The following HPSE2 variants were observed in gnomAD, a reference collection of about 807,000 sequenced individuals.
The protein encoded by HPSE2 is inactive heparanase-2.
In HPSE2, 38 loss-of-function variants were observed where a neutral mutation model predicts 60.5. The observed-to-expected ratio is 0.63, with a 90% CI of 0.48 to 0.82. The LOEUF is 0.82. HPSE2 is among the 40% of genes least tolerant of loss of function. The probability of loss-of-function intolerance (pLI) is 0.00; values close to 1 mark genes in which losing one functional copy is unlikely to be tolerated. For synonymous variants in HPSE2, 295 were observed against 293.2 expected, an observed-to-expected ratio of 1.01 and a Z score of -0.06; for missense variants, 713 against 740.4, an observed-to-expected ratio of 0.96 and a Z score of 0.43.
the HPSE2 span, among the ~76,000 whole-genome samples, chr10:99,282,176 G>A: frequency 4.6e-5 from 7 of 152,090 alleles, no homozygotes; most frequent in South Asian, 2.1e-4. Flanking sequence ...GGAGAATGGC[G>A]TGAACCTGGG....
chr10:98,872,516 T>C (rs1589984595), intron 3 of HPSE2, among the ~76,000 whole-genome samples: 1 of 152,150 alleles, frequency 6.6e-6, no homozygotes, highest in East Asian at 1.9e-4. Context: ...AAAAGCACCT[T>C]ACTTTTTAAT....
intron 9 of HPSE2, among the ~76,000 whole-genome samples, chr10:98,530,783 C>T (rs539938935): frequency 6.6e-6 from 1 of 152,258 alleles, no homozygotes; most frequent in South Asian, 2.1e-4. Context: ...GGATGCAGCC[C>T]CGCATTTTCA....
At chr10:99,179,707 C>CTA (rs2133825353) in intron 2 of HPSE2, among the ~76,000 whole-genome samples, 1 of 151,640 alleles carries the variant, frequency 6.6e-6, no homozygotes, top group African/African-American at 2.4e-5. Context: ...AGATTCATTG[C>CTA]TATCCCCATC....
chr10:99,032,161 C>T (rs1351529949), intron 3 of HPSE2, among the ~76,000 whole-genome samples: 1 of 152,084 alleles, frequency 6.6e-6, no homozygotes, highest in African/African-American at 2.4e-5. Context: ...TGGAGGACAT[C>T]AGTAAGAAGG....
chr10:98,915,100 T>A, intron 3 of HPSE2, among the ~76,000 whole-genome samples: 1 of 151,856 alleles, frequency 6.6e-6, no homozygotes, highest in Middle Eastern at 3.4e-3. Flanking sequence ...TTATATAACC[T>A]CGATAAACTT....
intron 9 of HPSE2, among the ~76,000 whole-genome samples, chr10:98,544,492 C>T (rs1163305397): frequency 3.3e-5 from 5 of 152,010 alleles, no homozygotes; most frequent in Admixed American, 6.6e-5. Flanking sequence ...AGGCGGATCA[C>T]GAGGTCAGGA....
intron 9 of HPSE2, among the ~76,000 whole-genome samples, chr10:98,569,900 C>T (rs1944447641): frequency 6.6e-6 from 1 of 152,208 alleles, no homozygotes; most frequent in African/African-American, 2.4e-5. Context: ...AACTCCCAAA[C>T]AACTGCCACA....
intron 9 of HPSE2, among the ~76,000 whole-genome samples, chr10:98,606,640 G>A (rs1423885790): frequency 6.6e-6 from 1 of 152,132 alleles, no homozygotes; most frequent in East Asian, 1.9e-4. Flanking sequence ...CCAAATCAAG[G>A]ATGAAATAAG....
intron 2 of HPSE2, among the ~76,000 whole-genome samples, chr10:99,207,808 C>T (rs1038042282): frequency 6.6e-6 from 1 of 151,678 alleles, no homozygotes; most frequent in Non-Finnish European, 1.5e-5. Context: ...AATAGCCACC[C>T]CCCACCTTAT....
In HPSE2 at chr10:99,060,682, AAAG is replaced by A. The variant is rs1352204459; in HGVS notation, c.610+83553_610+83555del. ...TCAAAAAAAAAAAAAAAAAAAAAAA[AAAG>A]GTGAGCAATCTAAGTGTCCATCAAC... On this transcript the variant is annotated intron_variant, in intron 3 of 11. Coordinates refer to ENST00000370552, the MANE Select transcript of HPSE2 (RefSeq NM_021828.5). Among the ~76,000 whole-genome samples, 147 of 150,720 alleles carry A rather than the reference AAAG, an allele frequency of 9.8e-4. 1 individual carries two copies. The highest frequency in any genetic ancestry group is 3.5e-3 in the African/African-American group (142 of 41,144).
At chr10:98,763,680 T>G (rs533651942) in intron 3 of HPSE2, among the ~76,000 whole-genome samples, 3 of 151,312 alleles carry the variant, frequency 2.0e-5, no homozygotes, top group African/African-American at 7.3e-5. Context: ...ACTATGGAGA[T>G]CAGAAGAAAG....
intron 4 of HPSE2, among the ~76,000 whole-genome samples, chr10:98,736,212 G>GTT (rs546987845): frequency 0.091 from 4,305 of 47,358 alleles, 104 homozygotes; most frequent in South Asian, 0.36. Context: ...CCTTTTGCTT[G>GTT]GTTTTTTTTT....
intron 7 of HPSE2, among the ~76,000 whole-genome samples, chr10:98,633,545 A>T (rs1946420429): frequency 6.6e-6 from 1 of 152,126 alleles, no homozygotes; most frequent in Admixed American, 6.6e-5. Context: ...TCTTTCTTCT[A>T]GCTTACTTTA....
At chr10:98,661,084 C>T (rs529555744) in intron 6 of HPSE2, among the ~76,000 whole-genome samples, 1 of 152,150 alleles carries the variant, frequency 6.6e-6, no homozygotes, top group Non-Finnish European at 1.5e-5. Context: ...GTGTATGAGC[C>T]TGTTTGGCAT....
chr10:98,604,071 C>G (rs1411574412), intron 9 of HPSE2, among the ~76,000 whole-genome samples: 3 of 152,122 alleles, frequency 2.0e-5, no homozygotes, highest in Non-Finnish European at 4.4e-5. Context: ...TACAATTGTT[C>G]TTTTTACCTG....
chr10:98,620,576 G>T (rs1431732395), intron 8 of HPSE2, 26 bp downstream of exon 8: 1 of 1,538,776 alleles, frequency 6.5e-7, no homozygotes, highest in Non-Finnish European at 9.0e-7. Flanking sequence ...AAAGCCCCTG[G>T]GGGTGAACTT....
the HPSE2 span, among the ~76,000 whole-genome samples, chr10:99,241,366 T>C: frequency 6.6e-6 from 1 of 152,238 alleles, no homozygotes; most frequent in Admixed American, 6.5e-5. Context: ...TTTTAATGGT[T>C]CTAAGCCTCA....
chr10:99,295,519 C>T, the HPSE2 span, among the ~76,000 whole-genome samples: 1 of 152,090 alleles, frequency 6.6e-6, no homozygotes, highest in Non-Finnish European at 1.5e-5. Context: ...CTAAGTAAAA[C>T]AAGACTGAAT....
At chr10:98,794,233 C>A (rs1950721459) in intron 3 of HPSE2, among the ~76,000 whole-genome samples, 1 of 149,858 alleles carries the variant, frequency 6.7e-6, no homozygotes, top group African/African-American at 2.5e-5. Context: ...CAGCATTATA[C>A]ATTGCATTAA....
Sources: allele counts gnomAD v4.1 joint callset (sites outside exome capture counted in the v4.1 genomes callset), GRCh38; gene constraint gnomAD v4.1.1; transcripts MANE v1.5; gene names NCBI Gene and HGNC (gene_info 2026-07-23, HGNC 2026-07-21).